Variants in PECAM1 observed in about 807,000 individuals in gnomAD.
The protein encoded by PECAM1 is platelet endothelial cell adhesion molecule.
In PECAM1, 8 loss-of-function variants were observed where a neutral mutation model predicts 13.8. That is an observed-to-expected ratio of 0.58 (90% CI 0.34 to 1.05). PECAM1 has a LOEUF of 1.05. PECAM1 is among the 50% of genes least tolerant of loss of function. The pLI is 0.03. For synonymous variants in PECAM1, 136 were observed against 52.6 expected (o/e 2.58, Z -6.86); for missense variants, 304 against 141.2 (o/e 2.15, Z -5.84).
chr17:64,351,705 A>G (rs886531076), intron 11 of PECAM1, among the ~76,000 whole-genome samples: 3 of 149,070 alleles, frequency 2.0e-5, no homozygotes, highest in Admixed American at 6.7e-5. Flanking sequence ...GACCCTGTCT[A>G]AAAAAAAAAG....
At chr17:64,371,017 A>G (rs2036226385) in intron 4 of PECAM1, among the ~76,000 whole-genome samples, 2 of 152,196 alleles carry the variant, frequency 1.3e-5, no homozygotes, top group African/African-American at 4.8e-5. Context: ...CATCCTTTAC[A>G]TGCTTTAGGA....
chr17:64,334,724 G>T (rs985826468), intron 14 of PECAM1, among the ~76,000 whole-genome samples: 2 of 152,068 alleles, frequency 1.3e-5, no homozygotes, highest in Non-Finnish European at 2.9e-5. Context: ...AGCCAGGATG[G>T]TCTCGATCTC....
At chr17:64,375,891 A>G (rs1425633675) in intron 3 of PECAM1, among the ~76,000 whole-genome samples, 2 of 152,138 alleles carry the variant, frequency 1.3e-5, no homozygotes, top group Admixed American at 1.3e-4. Flanking sequence ...ATGAGGAAAC[A>G]AAGGCATAAG....
intron 14 of PECAM1, among the ~76,000 whole-genome samples, chr17:64,336,075 C>T (rs1003040186): frequency 2.6e-5 from 4 of 151,734 alleles, no homozygotes; most frequent in Non-Finnish European, 5.9e-5. Context: ...ATCAGCCTGA[C>T]CAATATGGTG....
At chr17:64,383,384 A>G (rs1210906692) in intron 2 of PECAM1, among the ~76,000 whole-genome samples, 1 of 151,934 alleles carries the variant, frequency 6.6e-6, no homozygotes, top group Non-Finnish European at 1.5e-5. Context: ...TAACCTAAAC[A>G]GTGACTGCGC....
Position 64,328,536 on chromosome 17 carries a change from G to C in PECAM1, c.2187+1164C>G, listed in dbSNP as rs191889192. ...GACACGATAGTCTCTGATTTCAGGA[G>C]TCTGAGTGGGTTTTGGCTAGGAAAA... On this transcript the variant is annotated intron_variant, in intron 15 of 15. Transcript: ENST00000563924. Among the ~76,000 whole-genome samples the C allele has an allele frequency of 3.9e-5, 6 of 152,314 alleles. No individual in the cohort carries two copies. In the East Asian group the frequency reaches 1.2e-3, roughly 29 times the overall value.
At chr17:64,332,822 AGAAACAC>A (rs2035163277) in intron 14 of PECAM1, among the ~76,000 whole-genome samples, 1 of 152,206 alleles carries the variant, frequency 6.6e-6, no homozygotes, top group African/African-American at 2.4e-5. Flanking sequence ...TGCCTCCCTA[AGAAACAC>A]CCTGGAAGTC....
intron 13 of PECAM1, 113 bp downstream of exon 13, chr17:64,348,147 G>T: frequency 2.4e-6 from 1 of 421,524 alleles, no homozygotes; most frequent in Admixed American, 4.2e-5. Flanking sequence ...CACTTCCTTT[G>T]GAGCGACTGA....
intron 15 of PECAM1, among the ~76,000 whole-genome samples, chr17:64,325,603 G>A (rs571888193): frequency 6.6e-6 from 1 of 152,092 alleles, no homozygotes; most frequent in Non-Finnish European, 1.5e-5. Context: ...CATACATGGT[G>A]GTGTGCACCT....
chr17:64,321,716 G>A lies in PECAM1; in HGVS notation c.*2100C>T. On this transcript the variant is annotated 3_prime_UTR_variant, in exon 16 of 16. Transcript: ENST00000563924. ...TTCGAGGCTGCGGTGAGCCATTGTT[G>A]TGCCACTGCACTCCAGCCTGGGCAA... The A allele has an allele frequency of 2.0e-6, 2 of 1,009,168 alleles. No homozygotes were observed. Among genetic ancestry groups the A allele is most frequent in the South Asian group, 1.7e-5 (1 of 59,148 alleles). 62.5% of individuals were successfully genotyped at this position (1,009,168 alleles called of 1,614,324 possible). A position where few individuals can be genotyped will look rare whatever the true frequency, so the allele number is the denominator to read the frequency against.
intron 4 of PECAM1, among the ~76,000 whole-genome samples, chr17:64,373,419 A>G (rs2036285885): frequency 6.6e-6 from 1 of 152,050 alleles, no homozygotes; most frequent in African/African-American, 2.4e-5. Context: ...AGATAGATCT[A>G]TATTTCTTCA....
chr17:64,369,613 A>G (rs2036194315), intron 5 of PECAM1, 137 bp downstream of exon 5: 1 of 397,068 alleles, frequency 2.5e-6, no homozygotes, highest in African/African-American at 2.1e-5. Flanking sequence ...CACGAGCACC[A>G]AAGCCCCATC....
intron 15 of PECAM1, among the ~76,000 whole-genome samples, chr17:64,326,162 G>T (rs1424239814): frequency 6.6e-6 from 1 of 152,128 alleles, no homozygotes; most frequent in Non-Finnish European, 1.5e-5. Flanking sequence ...GTAGAGGGGG[G>T]CCCTGGGCAA....
chr17:64,361,271 G>C (rs947353566), intron 6 of PECAM1, among the ~76,000 whole-genome samples: 5 of 151,620 alleles, frequency 3.3e-5, no homozygotes, highest in Non-Finnish European at 5.9e-5. Context: ...TCAGCCTCCC[G>C]AGTAGCTGGG....
Position 64,323,402 on chromosome 17 carries a change from C to G in PECAM1, c.*414G>C. The stretch of plus-strand genomic sequence containing the variant: ...AAAGGAAAAGAGAAAAAACCAGCCT[C>G]TAACCAGGCCATGCGCTAGAAATGA... On this transcript the variant is annotated 3_prime_UTR_variant, in exon 16 of 16. Coordinates refer to ENST00000563924, the MANE Select transcript of PECAM1 (RefSeq NM_000442.5). The G allele has an allele frequency of 9.0e-7, 1 of 1,110,908 alleles. No homozygotes were observed. Among genetic ancestry groups the G allele is most frequent in the Non-Finnish European group, 1.1e-6 (1 of 905,858 alleles). 68.8% of individuals were successfully genotyped at this position (1,110,908 alleles called of 1,614,324 possible).
chr17:64,382,892 T>C (rs1461200748), intron 2 of PECAM1, among the ~76,000 whole-genome samples: 2 of 151,670 alleles, frequency 1.3e-5, no homozygotes, highest in Admixed American at 6.6e-5. Flanking sequence ...ATACAAAAAC[T>C]AGCCAGGCGT....
chr17:64,349,602 A>AAAAAAAAAAAAAAC (rs2035666149), intron 12 of PECAM1, among the ~76,000 whole-genome samples: 2 of 150,350 alleles, frequency 1.3e-5, no homozygotes, highest in Non-Finnish European at 3.0e-5. Flanking sequence ...AAAAAAAAAA[A>AAAAAAAAAAAAAAC]AGAGCCAGGC....
At chr17:64,387,132 G>A (rs1192862101) in intron 2 of PECAM1, among the ~76,000 whole-genome samples, 5 of 152,172 alleles carry the variant, frequency 3.3e-5, no homozygotes, top group African/African-American at 1.2e-4. Context: ...CAGGGAAGAG[G>A]ATGGAAAAGG....
At chr17:64,332,186 G>A (rs1215692623) in intron 14 of PECAM1, among the ~76,000 whole-genome samples, 3 of 152,214 alleles carry the variant, frequency 2.0e-5, no homozygotes, top group East Asian at 3.8e-4. Context: ...GGCTGGGCCA[G>A]AGGCTGGTGT....
Sources: gnomAD v4.1 joint callset for allele counts (sites outside exome capture counted in the v4.1 genomes callset) on GRCh38, gnomAD v4.1.1 for gene constraint, MANE v1.5 for transcripts, NCBI Gene and HGNC (gene_info 2026-07-23, HGNC 2026-07-21) for gene names.